The following MYO3B variants were observed in gnomAD, a reference collection of about 807,000 sequenced individuals.
The protein encoded by MYO3B is myosin IIIB.
Under a neutral mutation model 174.6 loss-of-function variants are expected in MYO3B, and 156 were observed. That is an observed-to-expected ratio of 0.89 (90% CI 0.78 to 1.02). MYO3B has a LOEUF of 1.02. MYO3B is among the 50% of genes least tolerant of loss of function. The pLI is 0.00. For synonymous variants in MYO3B, 563 were observed against 569.1 expected, an observed-to-expected ratio of 0.99 and a Z score of 0.15; for missense variants, 1,632 against 1,639.4, an observed-to-expected ratio of 1.00 and a Z score of 0.08.
intron 20 of MYO3B, among the ~76,000 whole-genome samples, chr2:170,405,324 C>T (rs1051172733): frequency 1.1e-4 from 16 of 152,256 alleles, no homozygotes; most frequent in Middle Eastern, 3.4e-3. Context: ...GGAGAATATA[C>T]GATCTTAGAG....
At chr2:170,369,942 A>G (rs2094228005) in intron 9 of MYO3B, among the ~76,000 whole-genome samples, 1 of 152,186 alleles carries the variant, frequency 6.6e-6, no homozygotes, top group Non-Finnish European at 1.5e-5. Flanking sequence ...TTCTTATGCT[A>G]TCTAAAGCAA....
chr2:170,481,848 C>T (rs1168995069), intron 25 of MYO3B, among the ~76,000 whole-genome samples: 1 of 152,132 alleles, frequency 6.6e-6, no homozygotes, highest in Non-Finnish European at 1.5e-5. Context: ...TGAGTTGCTA[C>T]CTGCTTCCCA....
At chr2:170,444,094 T>C (rs766133045) in intron 23 of MYO3B, 48 bp downstream of exon 23, 11 of 1,519,344 alleles carry the variant, frequency 7.2e-6, no homozygotes, top group African/African-American at 2.7e-5. Flanking sequence ...GCAGGTACTC[T>C]TGACCCAGGG....
At chr2:170,219,645 C>CA (rs1157876323) in intron 6 of MYO3B, among the ~76,000 whole-genome samples, 3,228 of 127,322 alleles carry the variant, frequency 0.025, 82 homozygotes, top group African/African-American at 0.071. Context: ...CTCTGTCTCT[C>CA]AAAAAAAAAA....
Position 170,194,411 on chromosome 2 carries a change from G to A in MYO3B, c.3-4797G>A, listed in dbSNP as rs547024069. On this transcript the variant is annotated intron_variant, in intron 1 of 34. Transcript: ENST00000408978. The stretch of plus-strand genomic sequence containing the variant: ...TCCCATCTACTCCAGAGGCTGAGGT[G>A]GGAGGATTGCTTGAGCCTGGGAGGT... Among the ~76,000 whole-genome samples, 12 of 152,032 alleles carry A rather than the reference G, an allele frequency of 7.9e-5. No homozygotes were observed. In the South Asian group the frequency reaches 2.3e-3, roughly 29 times the overall value.
intron 3 of MYO3B, among the ~76,000 whole-genome samples, chr2:170,204,412 C>T (rs567757170): frequency 6.6e-6 from 1 of 152,294 alleles, no homozygotes; most frequent in East Asian, 1.9e-4. Flanking sequence ...AGTATAGAAG[C>T]TACTTGAACG....
chr2:170,386,388 C>G, intron 13 of MYO3B, 116 bp downstream of exon 13: 1 of 792,566 alleles, frequency 1.3e-6, no homozygotes, highest in Non-Finnish European at 2.0e-6. Flanking sequence ...AAAGACATTC[C>G]ATCTTTGCTA....
Position 170,395,713 on chromosome 2 carries a change from G to A in MYO3B, c.1791+3218G>A, listed in dbSNP as rs17579666. Among the ~76,000 whole-genome samples the A allele has an allele frequency of 9.8e-3, 1,486 of 152,196 alleles. 80 individuals carry two copies. The East Asian group carries it at 0.17, about 17-fold the overall frequency. On this transcript the variant is annotated intron_variant, in intron 16 of 34. Transcript: ENST00000408978. ...GGGAGGTCCTTCAGCTGGTCCTAAT[G>A]CAGTGCTTAGGGAAGAACTGATGAA... is the stretch of plus-strand genomic sequence containing the variant.
At chr2:170,475,013 TA>T (rs1685233862) in intron 25 of MYO3B, among the ~76,000 whole-genome samples, 1 of 152,184 alleles carries the variant, frequency 6.6e-6, no homozygotes, top group African/African-American at 2.4e-5. Context: ...TTGTTTTGTT[TA>T]AACACGACTT....
At chr2:170,361,266 A>T (rs1197436215) in intron 8 of MYO3B, among the ~76,000 whole-genome samples, 1 of 152,192 alleles carries the variant, frequency 6.6e-6, no homozygotes, top group East Asian at 1.9e-4. Context: ...AACATAGACT[A>T]ACAATCTGAT....
At chr2:170,502,508 G>A (rs1687342454) in intron 28 of MYO3B, among the ~76,000 whole-genome samples, 1 of 152,232 alleles carries the variant, frequency 6.6e-6, no homozygotes, top group African/African-American at 2.4e-5. Flanking sequence ...GCTATTGGCA[G>A]CCTGAGAGGT....
At chr2:170,290,808 C>T (rs1036561349) in intron 7 of MYO3B, among the ~76,000 whole-genome samples, 2 of 151,144 alleles carry the variant, frequency 1.3e-5, no homozygotes, top group Non-Finnish European at 2.9e-5. Flanking sequence ...ATGTTTTACT[C>T]TTTTGCTTTT....
At chr2:170,236,157 C>T in intron 7 of MYO3B, 21 bp downstream of exon 7, 1 of 1,613,648 alleles carries the variant, frequency 6.2e-7, no homozygotes, top group Admixed American at 1.7e-5. Context: ...AGATGGCGCT[C>T]TTGACTCATT....
rs567440458 is a variant in MYO3B, at chr2:170,625,453, C to A, written c.3734-26175C>A. Among the ~76,000 whole-genome samples, 12 of 152,130 alleles carry A rather than the reference C, an allele frequency of 7.9e-5. No individual in the cohort carries two copies. The East Asian group carries it at 2.1e-3, about 27-fold the overall frequency. On this transcript the variant is annotated intron_variant, in intron 32 of 34. Transcript: ENST00000408978. ...CTATTTGATTCTTCTCTCTTTTCTTCATTAGTCTTGCTAGCAGTCTATCAA... is the reference window on the plus strand; with the variant it reads ...CTATTTGATTCTTCTCTCTTTTCTTAATTAGTCTTGCTAGCAGTCTATCAA...
In MYO3B at chr2:170,523,173, G is replaced by C. The variant is rs78300648; in HGVS notation, c.3575+3633G>C. 9.3e-3 allele frequency among the ~76,000 whole-genome samples: 1,422 copies of C among 152,294 alleles called. 49 individuals carry two copies. The East Asian group carries it at 0.1, about 11-fold the overall frequency. ...TTAGCTTCTCAACAGTGAGGACTGA[G>C]TCTTACTCTTTCTTGTATCCGATAT... On this transcript the variant is annotated intron_variant, in intron 30 of 34. Coordinates refer to ENST00000408978, the MANE Select transcript of MYO3B (RefSeq NM_138995.5).
intron 25 of MYO3B, among the ~76,000 whole-genome samples, chr2:170,470,291 A>ATC (rs1353697422): frequency 6.6e-6 from 1 of 152,032 alleles, no homozygotes; most frequent in Non-Finnish European, 1.5e-5. Flanking sequence ...GCAACCAATA[A>ATC]TCTAACTTCC....
At chr2:170,478,024 A>G (rs1374158349) in intron 25 of MYO3B, among the ~76,000 whole-genome samples, 2 of 152,282 alleles carry the variant, frequency 1.3e-5, no homozygotes, top group South Asian at 2.1e-4. Flanking sequence ...TCATGTCTGC[A>G]TTTAAGGCAG....
intron 23 of MYO3B, among the ~76,000 whole-genome samples, chr2:170,447,694 A>G (rs140269074): frequency 7.0e-4 from 107 of 152,162 alleles, no homozygotes; most frequent in African/African-American, 2.4e-3. Flanking sequence ...CAAGATGGGA[A>G]TTGCAATAGA....
At chr2:170,339,687 A>G (rs948217270) in intron 8 of MYO3B, among the ~76,000 whole-genome samples, 6 of 152,254 alleles carry the variant, frequency 3.9e-5, no homozygotes, top group African/African-American at 1.4e-4. Flanking sequence ...AAATACTATT[A>G]GTAAACCTGT....
Sources: gnomAD v4.1 joint callset for allele counts (sites outside exome capture counted in the v4.1 genomes callset) on GRCh38, gnomAD v4.1.1 for gene constraint, MANE v1.5 for transcripts, NCBI Gene and HGNC (gene_info 2026-07-23, HGNC 2026-07-21) for gene names.